CELF2: variants seen among roughly 807,000 people sequenced by gnomAD.
The protein encoded by CELF2 is CUG triplet repeat RNA-binding protein 2.
Under a neutral mutation model 62.6 loss-of-function variants are expected in CELF2, and 8 were observed. The observed-to-expected ratio is 0.13, with a 90% CI of 0.07 to 0.23. CELF2 has a LOEUF of 0.23. Ranked by LOEUF, CELF2 falls within the 10% of genes least tolerant of loss-of-function variation. CELF2 has a pLI of 1.00. For missense variants in CELF2, 333 were observed against 671.0 expected (o/e 0.50, Z 5.56); for synonymous variants, 258 against 250.0 (o/e 1.03, Z -0.30).
chr10:10,578,273 A>ATC, the CELF2 span, among the ~76,000 whole-genome samples: 2 of 152,122 alleles, frequency 1.3e-5, no homozygotes, highest in Non-Finnish European at 2.9e-5. Context: ...CCTTTGTCAG[A>ATC]TGACTAGGTT....
At chr10:11,323,665 GC>G (rs2095572637) in intron 11 of CELF2, among the ~76,000 whole-genome samples, 1 of 152,020 alleles carries the variant, frequency 6.6e-6, no homozygotes, top group Non-Finnish European at 1.5e-5. Flanking sequence ...CAGATCAAGT[GC>G]CCTGTGAGAG....
At chr10:10,672,918 C>G in the CELF2 span, among the ~76,000 whole-genome samples, 10 of 152,114 alleles carry the variant, frequency 6.6e-5, no homozygotes, top group African/African-American at 2.4e-4. Context: ...GTCTTCCTGT[C>G]TATGAATATG....
At chr10:11,097,910 C>T (rs1471321965) in intron 1 of CELF2, among the ~76,000 whole-genome samples, 2 of 152,186 alleles carry the variant, frequency 1.3e-5, no homozygotes, top group Admixed American at 1.3e-4. Context: ...TGGGGTTTAA[C>T]CCATGCGGCC....
the CELF2 span, among the ~76,000 whole-genome samples, chr10:10,780,874 T>G: frequency 6.6e-6 from 1 of 152,224 alleles, no homozygotes; most frequent in South Asian, 2.1e-4. Context: ...ATCCCACTCA[T>G]CAGCACAACT....
Position 11,290,289 on chromosome 10 carries a change from C to T in CELF2, c.976+1737C>T, listed in dbSNP as rs1250505051. Among the ~76,000 whole-genome samples the T allele has an allele frequency of 2.6e-5, 4 of 152,182 alleles. No homozygotes were observed. The highest frequency in any genetic ancestry group is 4.4e-5 in the Non-Finnish European group (3 of 68,040). On this transcript the variant is annotated intron_variant, in intron 9 of 12. Coordinates refer to ENST00000633077, the MANE Select transcript of CELF2 (RefSeq NM_001326342.2). This position sits in a 1 kb window ranked among gnomAD's most constrained non-coding sequence, Gnocchi z 4.3. ...GGGGACTGGAGGAGGTGACCCCTCT[C>T]TCAAAAGGTGACCTTTGAGCAGAGA...
At position 11,197,589 on chromosome 10, in the gene CELF2, TAAAC is replaced by T. The variant is rs558105754; in HGVS notation, c.272-19833_272-19830del. Among the ~76,000 whole-genome samples, 8 of 152,338 alleles carry T rather than the reference TAAAC, an allele frequency of 5.3e-5. No homozygotes were observed. In the South Asian group the frequency reaches 1.0e-3, roughly 20 times the overall value. ...CTATCTCAGTGAGCCACTTTTCTGT[TAAAC>T]AATCCAACACGGAAGTAACACAGGC... is the stretch of plus-strand genomic sequence containing the variant. On this transcript the variant is annotated intron_variant, in intron 2 of 12. Transcript: ENST00000633077.
chr10:11,035,341 C>T (rs2060785173), intron 1 of CELF2, among the ~76,000 whole-genome samples: 2 of 152,102 alleles, frequency 1.3e-5, no homozygotes, highest in South Asian at 2.1e-4. Flanking sequence ...CTCTCTACAC[C>T]CTTCCCTGGT....
At chr10:11,107,141 C>T (rs1443562778) in intron 1 of CELF2, among the ~76,000 whole-genome samples, 1 of 152,238 alleles carries the variant, frequency 6.6e-6, no homozygotes, top group Non-Finnish European at 1.5e-5. Context: ...GCCTACCTAG[C>T]TGTCCCCACC....
chr10:10,920,806 G>A (rs2064824962), intron 2 of CELF2, among the ~76,000 whole-genome samples: 1 of 136,794 alleles, frequency 7.3e-6, no homozygotes, highest in Admixed American at 7.4e-5. Flanking sequence ...AGGGAGAGGG[G>A]ATGGGGGAGG....
chr10:10,566,949 A>T, the CELF2 span, among the ~76,000 whole-genome samples: 1 of 152,152 alleles, frequency 6.6e-6, no homozygotes, highest in Non-Finnish European at 1.5e-5. Context: ...CATGCATGGC[A>T]TTTGGCTTTT....
chr10:10,889,724 T>C (rs2062001400), intron 1 of CELF2, among the ~76,000 whole-genome samples: 1 of 152,166 alleles, frequency 6.6e-6, no homozygotes, highest in African/African-American at 2.4e-5. Flanking sequence ...TACCTGCTGG[T>C]CAAGAAAACA....
At chr10:11,322,460 T>C (rs889089038) in intron 11 of CELF2, among the ~76,000 whole-genome samples, 2 of 152,158 alleles carry the variant, frequency 1.3e-5, no homozygotes, top group Non-Finnish European at 2.9e-5. Context: ...TAGAGCAAAA[T>C]CTGCTGAATG....
chr10:10,786,817 C>T, the CELF2 span: 1 of 152,106 alleles, frequency 6.6e-6, no homozygotes, highest in African/African-American at 2.4e-5. Context: ...TACCTCCTGC[C>T]TCTACAGGAA....
At chr10:10,933,610 C>A (rs1377944861) in intron 2 of CELF2, among the ~76,000 whole-genome samples, 1 of 152,070 alleles carries the variant, frequency 6.6e-6, no homozygotes, top group Non-Finnish European at 1.5e-5. Flanking sequence ...CCCCACCCCA[C>A]CCCATCCCCT....
At chr10:10,573,875 C>G in the CELF2 span, among the ~76,000 whole-genome samples, 3 of 152,062 alleles carry the variant, frequency 2.0e-5, no homozygotes, top group Non-Finnish European at 4.4e-5. Context: ...GACCAAGCCC[C>G]TACTTTCCAG....
At chr10:11,056,617 A>C (rs1010599098) in intron 1 of CELF2, among the ~76,000 whole-genome samples, 1 of 152,228 alleles carries the variant, frequency 6.6e-6, no homozygotes, top group Non-Finnish European at 1.5e-5. Flanking sequence ...AAGGATTATA[A>C]ATTTTAAGAG....
chr10:10,950,928 A>C (rs2048248770), intron 2 of CELF2, among the ~76,000 whole-genome samples: 1 of 152,218 alleles, frequency 6.6e-6, no homozygotes, highest in Admixed American at 6.5e-5. Flanking sequence ...GTCAAAGTTA[A>C]GAACAGTCAG....
chr10:10,518,629 A>C, the CELF2 span, among the ~76,000 whole-genome samples: 1 of 152,186 alleles, frequency 6.6e-6, no homozygotes, highest in African/African-American at 2.4e-5. Context: ...TGATGTACCA[A>C]ATCTAAAAGA....
chr10:11,233,411 C>T lies in CELF2; in HGVS notation c.355-15742C>T, dbSNP rs533957152. Among the ~76,000 whole-genome samples, 8 of 152,286 alleles carry T rather than the reference C, an allele frequency of 5.3e-5. No individual in the cohort carries two copies. The East Asian group carries it at 5.8e-4, about 11-fold the overall frequency. On this transcript the variant is annotated intron_variant, in intron 3 of 12. Transcript: ENST00000633077. Reference sequence around the variant, plus strand: ...TTCTGTTTTCACTGCTTTCTTCTCACGCCGCGTGATTTCTTTAGGTCCCAG... The same window carrying T: ...TTCTGTTTTCACTGCTTTCTTCTCATGCCGCGTGATTTCTTTAGGTCCCAG...
Sources: gnomAD v4.1 joint callset for allele counts (sites outside exome capture counted in the v4.1 genomes callset) on GRCh38, gnomAD v4.1.1 for gene constraint, Gnocchi (gnomAD v3.1) non-coding constraint, MANE v1.5 for transcripts, NCBI Gene and HGNC (gene_info 2026-07-23, HGNC 2026-07-21) for gene names.